Variants in CSMD2 observed in about 807,000 individuals in gnomAD.
CSMD2 encodes the protein CUB and Sushi multiple domains 2.
In CSMD2, 130 loss-of-function variants were observed where a neutral mutation model predicts 398.5. The ratio of observed to expected loss-of-function variants is 0.33; its 90% CI spans 0.28 to 0.38. The LOEUF is 0.38. Ranked by LOEUF, CSMD2 falls within the 10% of genes least tolerant of loss-of-function variation. The pLI, the probability that CSMD2 is intolerant of heterozygous loss-of-function variation, is 1.00. For missense variants in CSMD2, 3,829 were observed against 4,764.9 expected (o/e 0.80, Z 5.78); for synonymous variants, 1,828 against 1,908.5 (o/e 0.96, Z 1.10).
At chr1:33,903,788 T>A (rs1642904335) in intron 5 of CSMD2, among the ~76,000 whole-genome samples, 2 of 152,212 alleles carry the variant, frequency 1.3e-5, no homozygotes, top group Admixed American at 1.3e-4. Flanking sequence ...ACAGCAAGGG[T>A]TACTTTAGGC....
chr1:33,989,132 A>G (rs969795605), intron 3 of CSMD2, among the ~76,000 whole-genome samples: 6 of 147,660 alleles, frequency 4.1e-5, no homozygotes, highest in African/African-American at 1.5e-4. Flanking sequence ...AAACACACAT[A>G]TATATGTAAT....
At position 33,635,261 on chromosome 1, in the gene CSMD2, G is replaced by A; in HGVS notation, c.5039C>T (p.Thr1680Ile). Residue 1680 changes from threonine to isoleucine, a missense_variant, in exon 31 of 71, where the codon ACC becomes ATC. Transcript: ENST00000373381. The surrounding 1 kb of genome is among the most constrained non-coding windows in gnomAD (Gnocchi z 5.0). ...AAAATACAAGCAGATCTGTCCACTG[G>A]TGTAGTTCTGGGGGTAGTTGGGGGA... Reference protein sequence around the residue: ...VLSPNYPQNYTSGQICLYFVT... With the variant: ...VLSPNYPQNYISGQICLYFVT... 1.2e-6 allele frequency: 2 copies of A among 1,613,646 alleles called. No individual in the cohort carries two copies. Among genetic ancestry groups the A allele is most frequent in the African/African-American group, 1.3e-5 (1 of 75,034 alleles).
At chr1:34,032,229 G>A (rs1259295000) in intron 3 of CSMD2, among the ~76,000 whole-genome samples, 1 of 151,970 alleles carries the variant, frequency 6.6e-6, no homozygotes, top group African/African-American at 2.4e-5. Flanking sequence ...CTTTTACTTA[G>A]GGTTTATATG....
At chr1:33,620,231 G>A (rs1014826801) in intron 37 of CSMD2, among the ~76,000 whole-genome samples, 10 of 152,190 alleles carry the variant, frequency 6.6e-5, no homozygotes, top group African/African-American at 9.6e-5. Flanking sequence ...AAACAATTAT[G>A]AATCATAGCA....
intron 2 of CSMD2, among the ~76,000 whole-genome samples, chr1:34,051,105 T>C (rs758115505): frequency 1.3e-5 from 2 of 152,162 alleles, no homozygotes; most frequent in Non-Finnish European, 2.9e-5. Context: ...TACTACACAA[T>C]GGAGGTAAGG....
chr1:33,540,210 T>G (rs1449627283), intron 60 of CSMD2, among the ~76,000 whole-genome samples: 1 of 151,940 alleles, frequency 6.6e-6, no homozygotes, highest in Non-Finnish European at 1.5e-5. Context: ...TATATAGCAC[T>G]GGGAACCCTC....
intron 13 of CSMD2, among the ~76,000 whole-genome samples, chr1:33,757,074 A>G (rs937530428): frequency 6.6e-6 from 1 of 150,968 alleles, no homozygotes; most frequent in Admixed American, 6.6e-5. Flanking sequence ...ACCAAACAAC[A>G]CATGTTCTCA....
intron 1 of CSMD2, among the ~76,000 whole-genome samples, chr1:34,155,569 T>C (rs1484809758): frequency 1.3e-5 from 2 of 152,080 alleles, no homozygotes; most frequent in Non-Finnish European, 2.9e-5. Flanking sequence ...TTCTTCCCTT[T>C]TGAGTTTTCA....
intron 2 of CSMD2, among the ~76,000 whole-genome samples, chr1:34,051,907 A>G (rs765014827): frequency 6.6e-6 from 1 of 152,186 alleles, no homozygotes; most frequent in Non-Finnish European, 1.5e-5. Flanking sequence ...TGAGATTAAC[A>G]TTTGAATCAG....
At chr1:33,880,631 T>C (rs571338440) in intron 5 of CSMD2, among the ~76,000 whole-genome samples, 1 of 152,234 alleles carries the variant, frequency 6.6e-6, no homozygotes, top group Non-Finnish European at 1.5e-5. Flanking sequence ...TGAGAAAAGA[T>C]TTCCATAAAG....
intron 4 of CSMD2, among the ~76,000 whole-genome samples, chr1:33,933,627 G>A (rs146630838): frequency 2.0e-3 from 304 of 152,300 alleles, no homozygotes; most frequent in Middle Eastern, 0.014. Context: ...AAGGCAGGGG[G>A]TGGGTAAGGA....
chr1:34,154,965 A>G (rs1557442341), intron 1 of CSMD2, among the ~76,000 whole-genome samples: 1 of 152,168 alleles, frequency 6.6e-6, no homozygotes, highest in Non-Finnish European at 1.5e-5. Context: ...TGACCTCGTG[A>G]TCTGCCTGCC....
chr1:34,014,216 A>C (rs1049813696), intron 3 of CSMD2, among the ~76,000 whole-genome samples: 1 of 152,128 alleles, frequency 6.6e-6, no homozygotes, highest in African/African-American at 2.4e-5. Flanking sequence ...ACTCCGGGCC[A>C]GTCTCCCTGT....
intron 56 of CSMD2, among the ~76,000 whole-genome samples, chr1:33,549,975 T>C (rs556633479): frequency 8.5e-5 from 13 of 152,188 alleles, no homozygotes; most frequent in Non-Finnish European, 1.5e-4. Flanking sequence ...ACTGAGGGGA[T>C]AAGGCAGGGC....
At chr1:34,099,964 T>C (rs1449119955) in intron 1 of CSMD2, among the ~76,000 whole-genome samples, 2 of 152,228 alleles carry the variant, frequency 1.3e-5, no homozygotes, top group African/African-American at 4.8e-5. Context: ...TGGAAGGCCA[T>C]TGTATTCTAA....
In CSMD2 at chr1:33,633,532, A is replaced by G. The variant is rs1642599572; in HGVS notation, c.5090T>C (p.Val1697Ala). Residue 1697 changes from valine to alanine, a missense_variant, in exon 32 of 71, where the codon GTG becomes GCG. Transcript: ENST00000373381. The surrounding 1 kb of genome is among the most constrained non-coding windows in gnomAD (Gnocchi z 5.0). Reference sequence around the variant, plus strand: ...GTGAAAGAAGGCGAACTGGCCAAACACCACTGTGGAGGAGACACAGTGTGG... The same window carrying G: ...GTGAAAGAAGGCGAACTGGCCAAACGCCACTGTGGAGGAGACACAGTGTGG... ...YFVTVPKDYV[V>A]FGQFAFFHTA... The G allele has an allele frequency of 6.4e-7, 1 of 1,551,446 alleles. No individual in the cohort carries two copies. Among genetic ancestry groups the G allele is most frequent in the Admixed American group, 2.0e-5 (1 of 50,992 alleles).
At chr1:33,520,864 AC>A (rs1654208164) in intron 68 of CSMD2, among the ~76,000 whole-genome samples, 1 of 151,466 alleles carries the variant, frequency 6.6e-6, no homozygotes, top group Non-Finnish European at 1.5e-5. Flanking sequence ...GAGAAACCAG[AC>A]CCCTCCCCCC....
chr1:33,552,646 C>T (rs1427080342), intron 55 of CSMD2, among the ~76,000 whole-genome samples: 1 of 152,108 alleles, frequency 6.6e-6, no homozygotes, highest in Non-Finnish European at 1.5e-5. Flanking sequence ...CGTGGATGAA[C>T]TTTGAAAATT....
rs59040034 is a variant in CSMD2, at chr1:34,028,499, C to A, written c.517+4095G>T. On this transcript the variant is annotated intron_variant, in intron 3 of 70. Coordinates refer to ENST00000373381, the MANE Select transcript of CSMD2 (RefSeq NM_001281956.2). The stretch of plus-strand genomic sequence containing the variant: ...TTGTTGCCTCCATGGATGACCCACA[C>A]CAGCCTGGAAGTTCCCACATCCTCC... Among the ~76,000 whole-genome samples the A allele has an allele frequency of 1.1e-3, 166 of 152,256 alleles. 4 individuals carry two copies. The East Asian group carries it at 0.025, about 23-fold the overall frequency.
Sources: allele counts gnomAD v4.1 joint callset (sites outside exome capture counted in the v4.1 genomes callset), GRCh38; gene constraint gnomAD v4.1.1; non-coding constraint Gnocchi (gnomAD v3.1); transcripts MANE v1.5; gene names NCBI Gene and HGNC (gene_info 2026-07-23, HGNC 2026-07-21).